Variants in CDH23 observed in about 807,000 individuals in gnomAD.
CDH23 encodes the protein cadherin-23.
CDH23 carries 189 observed loss-of-function variants against 317.1 expected under a neutral mutation model. That is an observed-to-expected ratio of 0.60 (90% CI 0.53 to 0.67). The LOEUF is 0.67. Among genes scored for constraint, CDH23 ranks in the 30% least tolerant of loss-of-function variants. CDH23 has a pLI of 0.00. For synonymous variants in CDH23, 1,839 were observed against 1,876.8 expected (o/e 0.98, Z 0.52); for missense variants, 4,401 against 4,592.4 (o/e 0.96, Z 1.20).
At chr10:71,737,521 C>T (rs926038082) in intron 34 of CDH23, among the ~76,000 whole-genome samples, 3 of 152,210 alleles carry the variant, frequency 2.0e-5, no homozygotes, top group African/African-American at 7.2e-5. Context: ...CATGGAATTT[C>T]CTCTGCAGCA....
chr10:71,721,305 G>A (rs1172226246), intron 28 of CDH23, among the ~76,000 whole-genome samples: 1 of 152,186 alleles, frequency 6.6e-6, no homozygotes, highest in Non-Finnish European at 1.5e-5. Flanking sequence ...GAACTGCACG[G>A]CAAGGGGCAA....
intron 6 of CDH23, among the ~76,000 whole-genome samples, chr10:71,513,805 C>T (rs1854125996): frequency 6.6e-6 from 1 of 152,124 alleles, no homozygotes; most frequent in African/African-American, 2.4e-5. Context: ...AGGATGAAAC[C>T]CAGCAGGAGA....
intron 3 of CDH23, among the ~76,000 whole-genome samples, chr10:71,449,331 A>C (rs1009132140): frequency 6.6e-6 from 1 of 152,106 alleles, no homozygotes; most frequent in African/African-American, 2.4e-5. Flanking sequence ...TCGAGGCCTC[A>C]TTACCTGGCT....
chr10:71,716,578 C>T (rs369583826), intron 28 of CDH23: 30 of 428,688 alleles, frequency 7.0e-5, no homozygotes, highest in African/African-American at 5.1e-4. Context: ...CCTGTTCCAC[C>T]CTGTGCCCAT....
chr10:71,800,266 C>T (rs1841520446), intron 52 of CDH23, among the ~76,000 whole-genome samples: 2 of 152,234 alleles, frequency 1.3e-5, no homozygotes, highest in Non-Finnish European at 1.5e-5. Flanking sequence ...CTCCCACTGC[C>T]CTGCTCTGTC....
At chr10:71,401,852 A>C (rs972632730) in intron 1 of CDH23, among the ~76,000 whole-genome samples, 1 of 152,224 alleles carries the variant, frequency 6.6e-6, no homozygotes, top group Non-Finnish European at 1.5e-5. Context: ...GTGAATGATC[A>C]TTTTTGCAAA....
At chr10:71,594,151 A>G (rs973717607) in intron 9 of CDH23, among the ~76,000 whole-genome samples, 2 of 152,206 alleles carry the variant, frequency 1.3e-5, no homozygotes, top group East Asian at 1.9e-4. Flanking sequence ...AGGGTAGTAA[A>G]CATGATCTGT....
intron 34 of CDH23, among the ~76,000 whole-genome samples, chr10:71,735,833 C>T (rs1236110922): frequency 6.6e-6 from 1 of 152,244 alleles, no homozygotes; most frequent in African/African-American, 2.4e-5. Flanking sequence ...GGCAAGAAGT[C>T]TCCACAGCTC....
chr10:71,645,575 A>AG, intron 12 of CDH23: 2 of 675,502 alleles, frequency 3.0e-6, no homozygotes, highest in Non-Finnish European at 5.5e-6. Context: ...AACCACCTGA[A>AG]GGGGACACTG....
chr10:71,753,338 C>G (rs1376948892), intron 38 of CDH23, among the ~76,000 whole-genome samples: 1 of 152,238 alleles, frequency 6.6e-6, no homozygotes, highest in Non-Finnish European at 1.5e-5. Context: ...GTCAGACCTT[C>G]AGGATTTAAG....
At chr10:71,620,836 C>T (rs977612363) in intron 11 of CDH23, among the ~76,000 whole-genome samples, 1 of 152,262 alleles carries the variant, frequency 6.6e-6, no homozygotes, top group Non-Finnish European at 1.5e-5. Flanking sequence ...CAAACCATCC[C>T]TCATGTGGCA....
chr10:71,683,379 C>G (rs1307941711), intron 18 of CDH23, among the ~76,000 whole-genome samples: 1 of 152,254 alleles, frequency 6.6e-6, no homozygotes. Flanking sequence ...TCAGGAAAAT[C>G]TCACCCTGGA....
intron 26 of CDH23, among the ~76,000 whole-genome samples, chr10:71,708,245 G>A (rs968427316): frequency 3.9e-5 from 6 of 152,174 alleles, no homozygotes; most frequent in Non-Finnish European, 8.8e-5. Context: ...GCACCTGGCA[G>A]CCTGCAGGAT....
At chr10:71,781,166 T>C (rs997310893) in intron 41 of CDH23, among the ~76,000 whole-genome samples, 7 of 152,024 alleles carry the variant, frequency 4.6e-5, no homozygotes, top group African/African-American at 1.7e-4. Flanking sequence ...CAAAGAGCGG[T>C]GCGAAGATTC....
intron 22 of CDH23, among the ~76,000 whole-genome samples, chr10:71,696,069 G>T (rs1005384910): frequency 2.6e-5 from 4 of 152,210 alleles, no homozygotes; most frequent in African/African-American, 9.7e-5. Context: ...GTGCTCATGT[G>T]CAGGAATGTG....
chr10:71,761,043 T>A (rs1840369688), intron 38 of CDH23: 1 of 1,016,136 alleles, frequency 9.8e-7, no homozygotes, highest in Non-Finnish European at 1.5e-6. Context: ...TACTCGGCAG[T>A]GTTGGCCCAG....
intron 3 of CDH23, among the ~76,000 whole-genome samples, chr10:71,477,032 C>T (rs1851826858): frequency 6.6e-6 from 1 of 152,214 alleles, no homozygotes; most frequent in Non-Finnish European, 1.5e-5. Flanking sequence ...CCTAACTCTT[C>T]TCCATCTTCC....
At chr10:71,694,463 T>G (rs1460201068) in intron 21 of CDH23, among the ~76,000 whole-genome samples, 1 of 152,066 alleles carries the variant, frequency 6.6e-6, no homozygotes, top group Non-Finnish European at 1.5e-5. Context: ...CCACCAGGAA[T>G]GTAGGGGCAC....
At chr10:71,610,500 T>G (rs1281055218) in intron 9 of CDH23, among the ~76,000 whole-genome samples, 1 of 152,238 alleles carries the variant, frequency 6.6e-6, no homozygotes, top group African/African-American at 2.4e-5. Context: ...GGCCACTTGC[T>G]AGCCATGTGA....
Sources: allele counts gnomAD v4.1 joint callset (sites outside exome capture counted in the v4.1 genomes callset), GRCh38; gene constraint gnomAD v4.1.1; transcripts MANE v1.5; gene names NCBI Gene and HGNC (gene_info 2026-07-23, HGNC 2026-07-21).